Variants in BICRA observed in about 807,000 individuals in gnomAD.
BICRA encodes the protein BRD4-interacting chromatin-remodeling complex-associated protein.
In BICRA, 31 loss-of-function variants were observed where a neutral mutation model predicts 96.9. That is an observed-to-expected ratio of 0.32 (90% confidence interval 0.24 to 0.43). BICRA has a LOEUF of 0.43. Among genes scored for constraint, BICRA ranks in the 20% least tolerant of loss-of-function variants. The pLI is 1.00. For missense variants in BICRA, 2,283 were observed against 2,190.3 expected (o/e 1.04, Z -0.84); for synonymous variants, 1,350 against 1,071.8 (o/e 1.26, Z -5.07).
chr19:47,629,768 C>T (rs1222461620), intron 1 of BICRA, among the ~76,000 whole-genome samples: 2 of 152,126 alleles, frequency 1.3e-5, no homozygotes, highest in African/African-American at 2.4e-5. Context: ...AGTGATTCCT[C>T]TGCCTCAGCT....
At chr19:47,645,501 T>A (rs1423540919) in intron 1 of BICRA, among the ~76,000 whole-genome samples, 1 of 152,110 alleles carries the variant, frequency 6.6e-6, no homozygotes, top group Non-Finnish European at 1.5e-5. Context: ...ATTCATAATA[T>A]TGGGGTCATA....
chr19:47,647,872 G>C, intron 1 of BICRA, among the ~76,000 whole-genome samples: 1 of 149,974 alleles, frequency 6.7e-6, no homozygotes, highest in Non-Finnish European at 1.5e-5. Context: ...TGAGTGTCTA[G>C]ATATGGAGAC....
intron 1 of BICRA, among the ~76,000 whole-genome samples, chr19:47,630,206 G>A (rs1388960395): frequency 6.8e-6 from 1 of 147,086 alleles, no homozygotes; most frequent in Non-Finnish European, 1.5e-5. Flanking sequence ...TGTCGCCTAG[G>A]CTGGAGTGCA....
chr19:47,645,571 C>G (rs1021856832), intron 1 of BICRA, among the ~76,000 whole-genome samples: 1 of 152,060 alleles, frequency 6.6e-6, no homozygotes, highest in African/African-American at 2.4e-5. Flanking sequence ...CATAGAGGAT[C>G]ATTAGAAGGA....
At chr19:47,671,195 T>TC (rs148481713) in intron 2 of BICRA, among the ~76,000 whole-genome samples, 1 of 152,348 alleles carries the variant, frequency 6.6e-6, no homozygotes, top group East Asian at 1.9e-4. Flanking sequence ...GGGTCCCTGG[T>TC]CAGGGCTCTT....
At chr19:47,662,465 G>A in intron 1 of BICRA, 1 of 137,664 alleles carries the variant, frequency 7.3e-6, no homozygotes, top group Non-Finnish European at 1.6e-5. Flanking sequence ...CACGAGGTCA[G>A]TTCAAGACCA....
Position 47,694,465 on chromosome 19 carries a change from C to A in BICRA, c.2634C>A (p.His878Gln). The A allele has an allele frequency of 8.3e-7, 1 of 1,206,660 alleles. No homozygotes were observed. The highest frequency in any genetic ancestry group is 1.2e-6 in the Non-Finnish European group (1 of 819,034). The allele number at this position is 1,206,660 out of a possible 1,614,324, so 74.7% of individuals were successfully genotyped here. A position where few individuals can be genotyped will look rare whatever the true frequency, so the allele number is the denominator to read the frequency against. Residue 878 changes from histidine (H) to glutamine (Q), a missense_variant, in exon 8 of 15, where the codon CAC (histidine) becomes CAA (glutamine). Transcript: ENST00000594866. ...PPEGPLPPAP[H>Q]LPPSSTSSAV... ...AGGGACCGCTGCCCCCAGCCCCCCA[C>A]CTCCCTCCATCCTCCACCTCCTCTG...
intron 7 of BICRA, among the ~76,000 whole-genome samples, chr19:47,693,314 G>A (rs1196696591): frequency 6.6e-6 from 1 of 152,240 alleles, no homozygotes; most frequent in Non-Finnish European, 1.5e-5. Flanking sequence ...GCACCAGATC[G>A]CGTGTGCTTG....
intron 1 of BICRA, among the ~76,000 whole-genome samples, chr19:47,609,520 G>T (rs1170766710): frequency 6.6e-6 from 1 of 150,440 alleles, no homozygotes; most frequent in African/African-American, 2.4e-5. Context: ...GGCGCCCAGT[G>T]CCTCCCCGGC....
rs772248669 is a variant in BICRA at position 47,681,287 on chromosome 19, C to T, written c.2106+11C>T. ...ATGTTCCTGCCCCAGGTAAGCAGGGCGGGGCAAGGGAGCAGGTACCGGAGG... is the reference window on the plus strand; with the variant it reads ...ATGTTCCTGCCCCAGGTAAGCAGGGTGGGGCAAGGGAGCAGGTACCGGAGG... On this transcript the variant is annotated intron_variant, in intron 6 of 14. Transcript: ENST00000594866. 27 of 1,542,668 alleles carry T rather than the reference C, an allele frequency of 1.8e-5. No homozygotes were observed. Among genetic ancestry groups the T allele is most frequent in the African/African-American group, 6.8e-5 (5 of 73,662 alleles).
chr19:47,693,085 C>A (rs554502726), intron 7 of BICRA, among the ~76,000 whole-genome samples: 1 of 152,180 alleles, frequency 6.6e-6, no homozygotes, highest in Non-Finnish European at 1.5e-5. Context: ...TGCGGGAGGC[C>A]GGCCATTCGT....
chr19:47,702,463 G>A lies in BICRA; in HGVS notation c.*48G>A, dbSNP rs778850066. 1 of 1,427,356 alleles carries A rather than the reference G, an allele frequency of 7.0e-7. No individual in the cohort carries two copies. Among genetic ancestry groups the A allele is most frequent in the Non-Finnish European group, 9.1e-7 (1 of 1,102,070 alleles). 88.4% of individuals were successfully genotyped at this position (1,427,356 alleles called of 1,614,324 possible). The stretch of plus-strand genomic sequence containing the variant: ...CGTCCCCTCCTCCCGAAGACGCCGG[G>A]ACAGTCGGGTGTCCGCCCTCAGCCT... On this transcript the variant is annotated 3_prime_UTR_variant, in exon 15 of 15. Transcript: ENST00000594866.
rs746506790 is a variant in BICRA at position 47,694,945 on chromosome 19, G to C, written c.2941G>C (p.Ala981Pro). The change falls in exon 9 of 15, where the codon GCC (alanine) becomes CCC (proline). Residue 981 changes from alanine to proline, a missense_variant. Transcript: ENST00000594866. ...CCAGAACAAGGCTGGGGGGGCCCCT[G>C]CCGCCCCGCAGACCTCCACCAGCCT... is the stretch of plus-strand genomic sequence containing the variant. ...ILQNKAGGAP[A>P]APQTSTSLGP... 4 of 1,537,544 alleles carry C rather than the reference G, an allele frequency of 2.6e-6. No individual in the cohort carries two copies. The highest frequency in any genetic ancestry group is 3.5e-6 in the Non-Finnish European group (4 of 1,149,834).
rs539229839 is a variant in BICRA at position 47,652,964 on chromosome 19, G to C, written c.-107-17479G>C. 7.3e-5 allele frequency among the ~76,000 whole-genome samples: 11 copies of C among 150,214 alleles called. No individual in the cohort carries two copies. The South Asian group carries it at 2.3e-3, about 32-fold the overall frequency. ...CTTCTACATTTTACTTTTCCATGTA[G>C]CAGTAGTCTGGGCGATCTTTCCCTA... On this transcript the variant is annotated intron_variant, in intron 1 of 14. Coordinates refer to ENST00000594866, the MANE Select transcript of BICRA (RefSeq NM_001394372.1).
intron 5 of BICRA, among the ~76,000 whole-genome samples, chr19:47,677,601 CAGG>C (rs771326041): frequency 6.4e-4 from 97 of 152,282 alleles, no homozygotes; most frequent in Non-Finnish European, 9.4e-4. Flanking sequence ...GAGGCTAAGG[CAGG>C]AGAATTGCTT....
chr19:47,679,785 T>C lies in BICRA; in HGVS notation c.615T>C (p.Asn205=). ...TCCTGCAGCCTGTGGGCCTGGGCAA[T>C]GTGACACTGCAGCCCATCCCGGGCC... ...QPFLQPVGLG[N]VTLQPIPGLQ... Residue 205 remains asparagine, a synonymous_variant, in exon 6 of 15, where the codon AAT becomes AAC. Coordinates refer to ENST00000594866, the MANE Select transcript of BICRA (RefSeq NM_001394372.1). 2 of 1,498,656 alleles carry C rather than the reference T, an allele frequency of 1.3e-6. No homozygotes were observed. Among genetic ancestry groups the C allele is most frequent in the Non-Finnish European group, 8.9e-7 (1 of 1,125,680 alleles). The allele number at this position is 1,498,656 out of a possible 1,614,324, so 92.8% of individuals were successfully genotyped here. A position where few individuals can be genotyped will look rare whatever the true frequency, so the allele number is the denominator to read the frequency against.
intron 7 of BICRA, among the ~76,000 whole-genome samples, chr19:47,683,367 T>C (rs1973095701): frequency 6.6e-6 from 1 of 152,224 alleles, no homozygotes; most frequent in African/African-American, 2.4e-5. Flanking sequence ...ATTTCTTTTA[T>C]TGTGAATGAG....
At chr19:47,695,343 C>CTG in intron 9 of BICRA, 22 bp from the exon 10 acceptor site, 1 of 630,244 alleles carries the variant, frequency 1.6e-6, no homozygotes, top group South Asian at 2.0e-5. Flanking sequence ...GGCCCTGTCT[C>CTG]CCCCACCCCA....
At chr19:47,690,524 G>A (rs1474491023) in intron 7 of BICRA, among the ~76,000 whole-genome samples, 1 of 152,112 alleles carries the variant, frequency 6.6e-6, no homozygotes, top group Non-Finnish European at 1.5e-5. Context: ...GTGGTAAATG[G>A]TACCCTAGGG....
Sources: gnomAD v4.1 joint callset for allele counts (sites outside exome capture counted in the v4.1 genomes callset) on GRCh38, gnomAD v4.1.1 for gene constraint, MANE v1.5 for transcripts, NCBI Gene and HGNC (gene_info 2026-07-23, HGNC 2026-07-21) for gene names.